Variants in BANK1 observed in about 807,000 individuals in gnomAD.
BANK1 encodes B cell scaffold protein with ankyrin repeats 1.
Under a neutral mutation model 94.5 loss-of-function variants are expected in BANK1, and 95 were observed. The observed-to-expected ratio is 1.00, with a 90% CI of 0.85 to 1.19. The LOEUF (loss-of-function observed/expected upper bound fraction) is 1.19, where lower values mean the gene tolerates loss of function less well. Ranked by LOEUF, BANK1 falls within the 50% of genes most tolerant of loss-of-function variation. The pLI is 0.00. For missense variants in BANK1, 987 were observed against 932.2 expected, an observed-to-expected ratio of 1.06 and a Z score of -0.77; for synonymous variants, 334 against 308.4, an observed-to-expected ratio of 1.08 and a Z score of -0.87.
chr4:102,013,647 A>ACAGATAGGTGATCCCTGAC (rs1726592764), intron 7 of BANK1, among the ~76,000 whole-genome samples: 1 of 151,982 alleles, frequency 6.6e-6, no homozygotes, highest in Non-Finnish European at 1.5e-5. Flanking sequence ...CTCGCACCTG[A>ACAGATAGGTGATCCCTGAC]AAATAGGGAT....
At position 102,071,123 on chromosome 4, in the gene BANK1, G is replaced by A. The variant is rs528834415; in HGVS notation, c.2213-152G>A. 29 of 829,930 alleles carry A rather than the reference G, an allele frequency of 3.5e-5. No homozygotes were observed. The African/African-American group carries it at 3.6e-4, about 10-fold the overall frequency. The allele number at this position is 829,930 out of a possible 1,614,324, so 51.4% of individuals were successfully genotyped here. On this transcript the variant is annotated intron_variant, in intron 13 of 16. Coordinates refer to ENST00000322953, the MANE Select transcript of BANK1 (RefSeq NM_017935.5). ...TTCACTCACAGTGGCTGGAGGTAGAGAAATTTGGGGTTGATATTTTTAGAT... is the reference window on the plus strand; with the variant it reads ...TTCACTCACAGTGGCTGGAGGTAGAAAAATTTGGGGTTGATATTTTTAGAT...
In BANK1 at chr4:102,021,536, A is replaced by G; in HGVS notation, c.1229A>G (p.Asn410Ser). The change falls in exon 8 of 17, where the codon AAT (asparagine) becomes AGT (serine). Residue 410 changes from asparagine (N) to serine (S), a missense_variant. Coordinates refer to ENST00000322953, the MANE Select transcript of BANK1 (RefSeq NM_017935.5). ...DFSIQEIDIN[N>S]EQENDYEEDI... ...CAGATCCAAGAAATTGACATAAATA[A>G]TGAGCAAGAAAATGATTATGAAGAG... is the stretch of plus-strand genomic sequence containing the variant. 6.8e-7 allele frequency: 1 copy of G among 1,466,628 alleles called. No homozygotes were observed. Among genetic ancestry groups the G allele is most frequent in the Non-Finnish European group, 9.2e-7 (1 of 1,087,998 alleles). The allele number at this position is 1,466,628 out of a possible 1,614,324, so 90.9% of individuals were successfully genotyped here. A position where few individuals can be genotyped will look rare whatever the true frequency, so the allele number is the denominator to read the frequency against.
intron 5 of BANK1, among the ~76,000 whole-genome samples, chr4:101,875,463 G>A (rs566343008): frequency 7.4e-4 from 112 of 152,316 alleles, no homozygotes; most frequent in Non-Finnish European, 1.4e-3. Context: ...AGATGAAGGG[G>A]AAGCAAGGTA....
chr4:101,889,348 T>C (rs1432577443), intron 5 of BANK1, among the ~76,000 whole-genome samples: 2 of 152,158 alleles, frequency 1.3e-5, no homozygotes, highest in Non-Finnish European at 2.9e-5. Flanking sequence ...ATTGATCTTT[T>C]AAAAGAATCA....
At chr4:101,973,012 A>G (rs1725006367) in intron 7 of BANK1, among the ~76,000 whole-genome samples, 1 of 151,978 alleles carries the variant, frequency 6.6e-6, no homozygotes, top group South Asian at 2.1e-4. Flanking sequence ...TGGTCACATG[A>G]TGATCACAAG....
intron 7 of BANK1, among the ~76,000 whole-genome samples, chr4:101,967,611 T>A (rs1033352179): frequency 6.6e-6 from 1 of 152,058 alleles, no homozygotes; most frequent in African/African-American, 2.4e-5. Context: ...CGCTTTTTTT[T>A]ACTGAAAAAA....
At chr4:102,017,407 T>C (rs1010091258) in intron 7 of BANK1, among the ~76,000 whole-genome samples, 5 of 152,186 alleles carry the variant, frequency 3.3e-5, no homozygotes, top group Non-Finnish European at 7.3e-5. Flanking sequence ...TAACTGTAGT[T>C]AAAGCTGAAT....
intron 2 of BANK1, among the ~76,000 whole-genome samples, chr4:101,853,221 A>T (rs1432667681): frequency 1.3e-5 from 2 of 152,254 alleles, no homozygotes; most frequent in African/African-American, 4.8e-5. Flanking sequence ...AACTTTCATA[A>T]GACAGAAGAA....
At chr4:102,044,464 C>G (rs1727811002) in intron 11 of BANK1, among the ~76,000 whole-genome samples, 1 of 151,058 alleles carries the variant, frequency 6.6e-6, no homozygotes, top group African/African-American at 2.4e-5. Context: ...CAAGTCTTTG[C>G]TATTGTGAAT....
intron 7 of BANK1, among the ~76,000 whole-genome samples, chr4:101,969,166 A>G (rs1724864895): frequency 6.6e-6 from 1 of 152,126 alleles, no homozygotes; most frequent in Non-Finnish European, 1.5e-5. Flanking sequence ...CACAGAGAAC[A>G]GGGTCAGACC....
chr4:102,026,464 G>A (rs1578464405), intron 9 of BANK1, among the ~76,000 whole-genome samples: 1 of 151,838 alleles, frequency 6.6e-6, no homozygotes, highest in East Asian at 1.9e-4. Context: ...TAATTTAGTT[G>A]TTGGGTCCTA....
intron 7 of BANK1, among the ~76,000 whole-genome samples, chr4:101,924,051 C>T (rs918837528): frequency 2.0e-5 from 3 of 151,654 alleles, no homozygotes; most frequent in South Asian, 2.1e-4. Flanking sequence ...TTTATTTACA[C>T]GCTTTGCACA....
At chr4:101,792,919 T>C (rs1725045683) in intron 1 of BANK1, among the ~76,000 whole-genome samples, 1 of 152,212 alleles carries the variant, frequency 6.6e-6, no homozygotes, top group Non-Finnish European at 1.5e-5. Flanking sequence ...TTTTCTGGTT[T>C]GTATTTAACT....
intron 7 of BANK1, among the ~76,000 whole-genome samples, chr4:102,019,901 CT>C (rs2148946034): frequency 6.6e-6 from 1 of 152,162 alleles, no homozygotes; most frequent in Admixed American, 6.5e-5. Flanking sequence ...TCAACCTAGA[CT>C]TTTTTCTTAA....
intron 10 of BANK1, among the ~76,000 whole-genome samples, chr4:102,042,571 C>T (rs912473487): frequency 2.0e-5 from 3 of 151,960 alleles, no homozygotes; most frequent in African/African-American, 7.2e-5. Context: ...ATCTAAAAAA[C>T]GTCTCCGGGG....
chr4:101,995,980 G>A (rs1233551189), intron 7 of BANK1, among the ~76,000 whole-genome samples: 4 of 152,106 alleles, frequency 2.6e-5, no homozygotes, highest in Admixed American at 2.0e-4. Context: ...TTTGGCTTTT[G>A]TTGCCATTGC....
At chr4:101,814,918 A>G (rs778363408) in intron 1 of BANK1, among the ~76,000 whole-genome samples, 48 of 152,206 alleles carry the variant, frequency 3.2e-4, no homozygotes, top group Non-Finnish European at 5.3e-4. Context: ...TATATAATAG[A>G]ATGTAAAGAC....
At chr4:101,803,443 G>A (rs1487406179) in intron 1 of BANK1, among the ~76,000 whole-genome samples, 1 of 152,092 alleles carries the variant, frequency 6.6e-6, no homozygotes, top group Non-Finnish European at 1.5e-5. Context: ...CAGCTATTTA[G>A]TTGGGGTAAG....
intron 2 of BANK1, among the ~76,000 whole-genome samples, chr4:101,834,009 A>G (rs767841607): frequency 2.0e-5 from 3 of 152,194 alleles, no homozygotes; most frequent in Non-Finnish European, 2.9e-5. Context: ...GAAGATTGTT[A>G]GTAAAATTTT....
Sources: gnomAD v4.1 joint callset for allele counts (sites outside exome capture counted in the v4.1 genomes callset) on GRCh38, gnomAD v4.1.1 for gene constraint, MANE v1.5 for transcripts, NCBI Gene and HGNC (gene_info 2026-07-23, HGNC 2026-07-21) for gene names.